Variants in PCNX2 observed in about 807,000 individuals in gnomAD.
PCNX2 encodes pecanex-like protein 2.
A neutral mutation model predicts 223.8 loss-of-function variants in PCNX2; 168 were observed. That is an observed-to-expected ratio of 0.75 (90% confidence interval 0.66 to 0.85). PCNX2 has a LOEUF of 0.85. PCNX2 is among the 40% of genes least tolerant of loss of function. The pLI, the probability that PCNX2 is intolerant of heterozygous loss-of-function variation, is 0.00. For missense variants in PCNX2, 2,507 were observed against 2,675.5 expected (o/e 0.94, Z 1.39); for synonymous variants, 1,006 against 1,052.6 (o/e 0.96, Z 0.86).
chr1:233,198,417 G>A (rs1680860557), intron 15 of PCNX2, among the ~76,000 whole-genome samples: 1 of 152,138 alleles, frequency 6.6e-6, no homozygotes, highest in South Asian at 2.1e-4. Context: ...GTTTTCTGAA[G>A]TTCGTGTTTA....
At chr1:233,320,316 A>G in the PCNX2 span, among the ~76,000 whole-genome samples, 1 of 152,040 alleles carries the variant, frequency 6.6e-6, no homozygotes, top group Non-Finnish European at 1.5e-5. Flanking sequence ...AAATCCAATG[A>G]CTTTATTCAG....
chr1:233,115,634 G>A (rs1675364699), intron 21 of PCNX2, among the ~76,000 whole-genome samples: 1 of 152,136 alleles, frequency 6.6e-6, no homozygotes, highest in African/African-American at 2.4e-5. Flanking sequence ...AGAACTAAAG[G>A]GCCAGCAAGC....
At chr1:233,114,706 C>A (rs1177778963) in intron 21 of PCNX2, among the ~76,000 whole-genome samples, 1 of 152,098 alleles carries the variant, frequency 6.6e-6, no homozygotes, top group African/African-American at 2.4e-5. Flanking sequence ...GAGCGACAGG[C>A]GCATCCAGAA....
chr1:233,145,106 A>T (rs1276943094), intron 19 of PCNX2, among the ~76,000 whole-genome samples: 1 of 151,248 alleles, frequency 6.6e-6, no homozygotes, highest in Non-Finnish European at 1.5e-5. Context: ...CTGGGACTAC[A>T]GGCGCCTGCC....
chr1:233,063,594 A>C (rs771936077), intron 23 of PCNX2, among the ~76,000 whole-genome samples: 1 of 152,120 alleles, frequency 6.6e-6, no homozygotes, highest in Non-Finnish European at 1.5e-5. Context: ...GTGAAACCTC[A>C]CTATTTTGTG....
intron 15 of PCNX2, among the ~76,000 whole-genome samples, chr1:233,188,996 G>A (rs1405012289): frequency 6.6e-6 from 1 of 152,232 alleles, no homozygotes; most frequent in Admixed American, 6.5e-5. Flanking sequence ...TACAAGGCAT[G>A]TATGCCAGGG....
Position 233,200,178 on chromosome 1 carries a change from C to A in PCNX2, c.2950G>T (p.Asp984Tyr), listed in dbSNP as rs1377087392. 6.3e-7 allele frequency: 1 copy of A among 1,590,156 alleles called. No homozygotes were observed. The highest frequency in any genetic ancestry group is 8.6e-7 in the Non-Finnish European group (1 of 1,167,492). Residue 984 changes from aspartate (D) to tyrosine (Y), a missense_variant, in exon 14 of 34, where the codon GAC becomes TAC. Physicochemically the swap from Asp to Tyr is radical, Grantham distance 160. Transcript: ENST00000258229. Reference protein sequence around the residue: ...TFCTYLLEQIDMLFFGGSAVS... With the variant: ...TFCTYLLEQIYMLFFGGSAVS... ...CCAGAACCACCAAAAAACAGCATGT[C>A]AATTTGCTCCAAAAGATAAGTGCAG...
At chr1:233,002,645 GA>G (rs1670128005) in intron 28 of PCNX2, among the ~76,000 whole-genome samples, 1 of 152,066 alleles carries the variant, frequency 6.6e-6, no homozygotes, top group Admixed American at 6.6e-5. Flanking sequence ...CACAGAATTA[GA>G]AAAAAATATT....
At chr1:232,995,074 T>A (rs1669832596) in intron 32 of PCNX2, among the ~76,000 whole-genome samples, 1 of 152,170 alleles carries the variant, frequency 6.6e-6, no homozygotes, top group African/African-American at 2.4e-5. Context: ...AATGTGCACA[T>A]GAAAGTACTC....
At chr1:233,322,911 G>A in the PCNX2 span, among the ~76,000 whole-genome samples, 4 of 151,826 alleles carry the variant, frequency 2.6e-5, no homozygotes, top group African/African-American at 4.8e-5. Flanking sequence ...GTTCTCTCCC[G>A]TTCCATCTTT....
chr1:233,232,948 A>G lies in PCNX2; in HGVS notation c.2358+3897T>C, dbSNP rs1266410147. On this transcript the variant is annotated intron_variant, in intron 9 of 33. Transcript: ENST00000258229. ...ACAAAACACTTTCACATACAATACT[A>G]TCTCATTTTTTAATGTAAGACAAGC... The G allele has an allele frequency of 5.1e-6, 5 of 985,042 alleles. No individual in the cohort carries two copies. The South Asian group carries it at 1.9e-4, about 37-fold the overall frequency. The allele number at this position is 985,042 out of a possible 1,614,324, so 61.0% of individuals were successfully genotyped here. A position where few individuals can be genotyped will look rare whatever the true frequency, so the allele number is the denominator to read the frequency against.
chr1:233,309,543 A>AAATAAT, the PCNX2 span, among the ~76,000 whole-genome samples: 15 of 146,712 alleles, frequency 1.0e-4, no homozygotes, highest in Admixed American at 2.0e-4. Flanking sequence ...TCCCTCAAAA[A>AAATAAT]AATAATAATA....
Position 232,998,281 on chromosome 1 carries a change from C to T in PCNX2, c.5761G>A (p.Val1921Met), listed in dbSNP as rs1229838437. The stretch of plus-strand genomic sequence containing the variant: ...CTCTGTGTCCCTTCACAGGATGACA[C>T]CCCGTGCTGAGCACCGCCTTTTCTG... ...QPRKGGAQHG[V>M]SSCEGTQRTG... The change falls in exon 32 of 34, where the codon GTG (valine) becomes ATG (methionine). Residue 1921 changes from valine to methionine, a missense_variant. Around this residue, in one of 3 missense-constraint regions of PCNX2, gnomAD observed 1,372 missense variants for 1,509.4 expected, o/e 0.91. Coordinates refer to ENST00000258229, the MANE Select transcript of PCNX2 (RefSeq NM_014801.4). 1 of 1,600,476 alleles carries T rather than the reference C, an allele frequency of 6.2e-7. No homozygotes were observed. The highest frequency in any genetic ancestry group is 8.5e-7 in the Non-Finnish European group (1 of 1,173,362).
At chr1:233,224,891 T>C (rs1282751331) in intron 10 of PCNX2, among the ~76,000 whole-genome samples, 3 of 151,234 alleles carry the variant, frequency 2.0e-5, no homozygotes, top group Admixed American at 1.3e-4. Flanking sequence ...TAAGTGGGAG[T>C]TGAACAATGA....
At chr1:233,068,125 A>G (rs1230362667) in intron 23 of PCNX2, among the ~76,000 whole-genome samples, 1 of 152,208 alleles carries the variant, frequency 6.6e-6, no homozygotes, top group Non-Finnish European at 1.5e-5. Context: ...CAGATTTCTT[A>G]TTAGAAACCA....
the PCNX2 span, among the ~76,000 whole-genome samples, chr1:233,310,125 T>C: frequency 6.6e-6 from 1 of 152,142 alleles, no homozygotes; most frequent in African/African-American, 2.4e-5. Flanking sequence ...AAAGAAAATC[T>C]CAATGAACTC....
intron 19 of PCNX2, among the ~76,000 whole-genome samples, chr1:233,142,303 A>G (rs1677176832): frequency 6.6e-6 from 1 of 152,192 alleles, no homozygotes; most frequent in Non-Finnish European, 1.5e-5. Context: ...CCACTCCTGC[A>G]TTCCCTCCCA....
chr1:233,208,453 G>A, intron 13 of PCNX2, 65 bp downstream of exon 13: 1 of 1,470,642 alleles, frequency 6.8e-7, no homozygotes, highest in Non-Finnish European at 9.2e-7. Context: ...TAGAAATTCA[G>A]AAGACAAAGG....
At chr1:233,220,934 C>A (rs1657338984) in intron 10 of PCNX2, among the ~76,000 whole-genome samples, 1 of 152,078 alleles carries the variant, frequency 6.6e-6, no homozygotes, top group African/African-American at 2.4e-5. Flanking sequence ...ACAGATTTCA[C>A]AGATTCAAAG....
Sources: gnomAD v4.1 joint callset for allele counts (sites outside exome capture counted in the v4.1 genomes callset) on GRCh38, gnomAD v4.1.1 for gene constraint, gnomAD v4.1.1 regional missense constraint, MANE v1.5 for transcripts, NCBI Gene and HGNC (gene_info 2026-07-23, HGNC 2026-07-21) for gene names.